SLC13A1: variants seen among roughly 807,000 people sequenced by gnomAD.
SLC13A1 encodes Na(+)/sulfate cotransporter.
In SLC13A1, 65 loss-of-function variants were observed where a neutral mutation model predicts 70.0. The ratio of observed to expected loss-of-function variants is 0.93; its 90% CI spans 0.76 to 1.14. The LOEUF (loss-of-function observed/expected upper bound fraction) is 1.14, where lower values mean the gene tolerates loss of function less well. SLC13A1 is among the 50% of genes most tolerant of loss of function. SLC13A1 has a pLI of 0.00. For missense variants in SLC13A1, 726 were observed against 717.8 expected, an observed-to-expected ratio of 1.01 and a Z score of -0.13; for synonymous variants, 275 against 250.5, an observed-to-expected ratio of 1.10 and a Z score of -0.92.
chr7:123,119,059 A>G (rs754761238), intron 13 of SLC13A1, 22 bp downstream of exon 13: 1 of 1,602,290 alleles, frequency 6.2e-7, no homozygotes, highest in South Asian at 1.1e-5. Flanking sequence ...AAGAGTAAAA[A>G]GGGGATAAAT....
At chr7:123,115,677 ATGTCAG>A in intron 14 of SLC13A1, 22 bp from the exon 15 acceptor site, 1 of 1,612,136 alleles carries the variant, frequency 6.2e-7, no homozygotes. Context: ...AAGAGCATAA[ATGTCAG>A]TGTCCCAGAA....
chr7:123,117,917 G>A (rs1793237213), intron 13 of SLC13A1, among the ~76,000 whole-genome samples: 1 of 151,260 alleles, frequency 6.6e-6, no homozygotes, highest in Non-Finnish European at 1.5e-5. Context: ...TAGGTGTTGG[G>A]CTAAATGTTT....
intron 7 of SLC13A1, among the ~76,000 whole-genome samples, chr7:123,141,645 T>C (rs1054646663): frequency 6.6e-6 from 1 of 152,166 alleles, no homozygotes; most frequent in Admixed American, 6.5e-5. Context: ...TGTTATATCC[T>C]CTTGCTGGAT....
rs781330989 is a variant in SLC13A1, at chr7:123,134,485, G to A, written c.857C>T (p.Thr286Met). ...CRCLNFGSWF[T>M]FSFPAALIIL... ...GATAAGGGCAGCTGGGAAGGAAAAC[G>A]TAAACCATGATCCAAAGTTGAGGCA... The change falls in exon 8 of 15, where the codon ACG becomes ATG. Residue 286 changes from threonine to methionine, a missense_variant. Transcript: ENST00000194130. 7 of 1,613,226 alleles carry A rather than the reference G, an allele frequency of 4.3e-6. No homozygotes were observed. In the South Asian group the frequency reaches 4.4e-5, roughly 10 times the overall value.
chr7:123,182,733 T>TCATA (rs1286601609), intron 1 of SLC13A1, among the ~76,000 whole-genome samples: 1 of 151,848 alleles, frequency 6.6e-6, no homozygotes, highest in Admixed American at 6.6e-5. Context: ...GGGTGGAGAG[T>TCATA]CATAGTCCAC....
rs1475096244 is a variant in SLC13A1 at position 123,114,406 on chromosome 7, T to G, written c.*1112A>C. The G allele has an allele frequency of 6.8e-6, 1 of 147,122 alleles. No homozygotes were observed. The highest frequency in any genetic ancestry group is 2.5e-5 in the African/African-American group (1 of 39,888). 9.1% of individuals were successfully genotyped at this position (147,122 alleles called of 1,614,324 possible). On this transcript the variant is annotated 3_prime_UTR_variant, in exon 15 of 15. Transcript: ENST00000194130. ...TCGCATCCTCACTTCTAGAAGACTA[T>G]TCTTATCCCATTTTTGTTTAAATGT...
intron 12 of SLC13A1, among the ~76,000 whole-genome samples, chr7:123,121,380 C>T (rs554216565): frequency 8.5e-5 from 13 of 152,152 alleles, no homozygotes; most frequent in African/African-American, 3.1e-4. Context: ...ATTTTGCCAG[C>T]CTATATGTTT....
intron 1 of SLC13A1, among the ~76,000 whole-genome samples, chr7:123,186,110 T>C (rs183959648): frequency 6.6e-6 from 1 of 152,222 alleles, no homozygotes; most frequent in Admixed American, 6.5e-5. Context: ...CCAAGTATTT[T>C]CTTTTAAAAC....
chr7:123,180,617 A>G (rs763865964), intron 2 of SLC13A1, among the ~76,000 whole-genome samples: 1 of 152,172 alleles, frequency 6.6e-6, no homozygotes, highest in Non-Finnish European at 1.5e-5. Flanking sequence ...ATTAAAAACA[A>G]AATTGTTTTT....
chr7:123,131,533 T>C (rs896666030), intron 8 of SLC13A1, among the ~76,000 whole-genome samples: 15 of 152,178 alleles, frequency 9.9e-5, no homozygotes, highest in African/African-American at 3.6e-4. Context: ...TTTAAATAAT[T>C]GAATGGCACT....
chr7:123,180,571 G>A (rs768304394), intron 2 of SLC13A1, among the ~76,000 whole-genome samples: 9 of 152,078 alleles, frequency 5.9e-5, no homozygotes, highest in Non-Finnish European at 1.0e-4. Flanking sequence ...TGAAATGGCA[G>A]GTTTCTGGAA....
chr7:123,147,160 T>G lies in SLC13A1; in HGVS notation c.811A>C (p.Thr271Pro). Residue 271 changes from threonine to proline, a missense_variant and splice_region_variant, in exon 7 of 15, where the codon ACA becomes CCA. Thr to Pro is a conservative substitution (Grantham distance 38). Coordinates refer to ENST00000194130, the MANE Select transcript of SLC13A1 (RefSeq NM_022444.4). ...TNLIFAEYFN[T>P]RYPDCRCLNF... is the part of the protein sequence containing the mutation. The stretch of plus-strand genomic sequence containing the variant: ...CACCAATCCAATAAGGTTACTTACG[T>G]ATTGAAATACTCTGCAAAGATCAAG... 6.2e-7 allele frequency: 1 copy of G among 1,612,822 alleles called. No homozygotes were observed. The highest frequency in any genetic ancestry group is 8.5e-7 in the Non-Finnish European group (1 of 1,179,500).
At chr7:123,173,629 G>A (rs564719055) in intron 2 of SLC13A1, among the ~76,000 whole-genome samples, 87 of 152,026 alleles carry the variant, frequency 5.7e-4, no homozygotes, top group African/African-American at 2.0e-3. Context: ...TATACATTAC[G>A]TAAATACTGT....
At chr7:123,144,676 T>A (rs1330195193) in intron 7 of SLC13A1, among the ~76,000 whole-genome samples, 1 of 152,126 alleles carries the variant, frequency 6.6e-6, no homozygotes, top group Non-Finnish European at 1.5e-5. Context: ...CTTGGCACTT[T>A]AAAACAATTG....
intron 2 of SLC13A1, among the ~76,000 whole-genome samples, chr7:123,175,962 T>C (rs1188268239): frequency 6.6e-6 from 1 of 152,206 alleles, no homozygotes; most frequent in African/African-American, 2.4e-5. Context: ...ATTCTAGACT[T>C]TTTTGGCCAT....
intron 6 of SLC13A1, among the ~76,000 whole-genome samples, chr7:123,168,167 T>C (rs1247356598): frequency 6.6e-6 from 1 of 152,190 alleles, no homozygotes; most frequent in Non-Finnish European, 1.5e-5. Flanking sequence ...ATACTAATTT[T>C]CAGAGCCTAA....
Position 123,128,898 on chromosome 7 carries a change from T to C in SLC13A1, c.1080A>G (p.Leu360=). 1 of 1,613,546 alleles carries C rather than the reference T, an allele frequency of 6.2e-7. No homozygotes were observed. The highest frequency in any genetic ancestry group is 8.5e-7 in the Non-Finnish European group (1 of 1,179,724). ...TLVLFIIMAL[L]WFSRDPGFVP... ...CAAATCCGGGGTCTCGACTAAACCA[T>C]AGCAGAGCCATTATAATGAAGAGGA... The change falls in exon 10 of 15, where the codon CTA becomes CTG. Residue 360 remains leucine (L), a synonymous_variant. Coordinates refer to ENST00000194130, the MANE Select transcript of SLC13A1 (RefSeq NM_022444.4).
intron 10 of SLC13A1, among the ~76,000 whole-genome samples, chr7:123,126,805 T>C (rs1437128792): frequency 6.6e-6 from 1 of 152,108 alleles, no homozygotes; most frequent in African/African-American, 2.4e-5. Flanking sequence ...GTTATAATTT[T>C]TGGTTGTATT....
intron 4 of SLC13A1, 125 bp from the exon 5 acceptor site, chr7:123,168,686 C>T: frequency 3.1e-6 from 2 of 650,370 alleles, no homozygotes; most frequent in Non-Finnish European, 5.3e-6. Context: ...TGTGTACTAA[C>T]ATAACAGTCA....
Sources: gnomAD v4.1 joint callset for allele counts (sites outside exome capture counted in the v4.1 genomes callset) on GRCh38, gnomAD v4.1.1 for gene constraint, MANE v1.5 for transcripts, NCBI Gene and HGNC (gene_info 2026-07-23, HGNC 2026-07-21) for gene names.